The following KLF8 variants were observed in gnomAD, a reference collection of about 807,000 sequenced individuals.
KLF8 encodes the protein Krueppel-like factor 8.
Under a neutral mutation model 18.2 loss-of-function variants are expected in KLF8, and 10 were observed. That is an observed-to-expected ratio of 0.55 (90% CI 0.34 to 0.93). The LOEUF is 0.93. KLF8 is among the 40% of genes least tolerant of loss of function. The pLI, the probability that KLF8 is intolerant of heterozygous loss-of-function variation, is 0.02. For missense variants in KLF8, 264 were observed against 277.9 expected (o/e 0.95, Z 0.36); for synonymous variants, 109 against 97.3 (o/e 1.12, Z -0.71).
chrX:56,216,012 A>G, the KLF8 span, among the ~76,000 whole-genome samples: 2 of 108,360 alleles, frequency 1.8e-5, no homozygotes, highest in Admixed American at 2.0e-4. Context: ...GGTGAACGAC[A>G]CCACTATTCA....
chrX:56,021,271 T>C, the KLF8 span, among the ~76,000 whole-genome samples: 1 of 112,179 alleles, frequency 8.9e-6, no homozygotes, highest in Non-Finnish European at 1.9e-5. Context: ...TGCTGTTGTG[T>C]GCAGCAGTGG....
chrX:56,049,774 G>T, the KLF8 span, among the ~76,000 whole-genome samples: 2 of 110,368 alleles, frequency 1.8e-5, no homozygotes, highest in Non-Finnish European at 3.8e-5. Flanking sequence ...AAATGATGCT[G>T]GCCTCATAAA....
chrX:56,059,281 A>T, the KLF8 span, among the ~76,000 whole-genome samples: 3 of 111,042 alleles, frequency 2.7e-5, no homozygotes, highest in African/African-American at 6.6e-5. Context: ...GATTGCAAAA[A>T]TTTTTTCCCG....
the KLF8 span, among the ~76,000 whole-genome samples, chrX:56,149,963 G>A: frequency 4.5e-5 from 5 of 111,334 alleles, no homozygotes; most frequent in Admixed American, 2.9e-4. Flanking sequence ...TAAATGCTGA[G>A]TACTTCATGT....
intron 2 of KLF8, among the ~76,000 whole-genome samples, chrX:56,258,760 A>C (rs1189173747): frequency 1.8e-5 from 2 of 111,701 alleles, no homozygotes; most frequent in Non-Finnish European, 3.8e-5. Flanking sequence ...CATTTCCAGG[A>C]TATCTTATTT....
chrX:56,269,389 C>G lies in KLF8; in HGVS notation c.658C>G (p.Pro220Ala), dbSNP rs1274299131. The G allele has an allele frequency of 8.3e-7, 1 of 1,206,459 alleles. No individual in the cohort carries two copies. The highest frequency in any genetic ancestry group is 1.1e-6 in the Non-Finnish European group (1 of 893,211). The change falls in exon 4 of 6, where the codon CCC becomes GCC. Residue 220 changes from proline (P) to alanine (A), a missense_variant. Physicochemically the swap from Pro to Ala is conservative, Grantham distance 27. Around this residue, in one of 2 missense-constraint regions of KLF8, gnomAD observed 221 missense variants for 193.6 expected, o/e 1.14. Transcript: ENST00000468660. ...GKNAGSVKVD[P>A]TSMSPLEIPS... is the part of the protein sequence containing the mutation. ...TTCTTTGCTTTTAGTGAAAGTTGAC[C>G]CCACCTCCATGTCTCCACTGGAAAT...
the KLF8 span, among the ~76,000 whole-genome samples, chrX:55,950,568 C>G: frequency 1.8e-5 from 2 of 111,258 alleles, no homozygotes; most frequent in Non-Finnish European, 3.8e-5. Flanking sequence ...ATTAAATGAG[C>G]TTATGCATGA....
At chrX:55,980,797 T>A in the KLF8 span, among the ~76,000 whole-genome samples, 1 of 112,297 alleles carries the variant, frequency 8.9e-6, no homozygotes, top group African/African-American at 3.2e-5. Context: ...ACAAATTATG[T>A]ACCTAATAAG....
chrX:56,252,485 A>G (rs1221335257), intron 2 of KLF8, among the ~76,000 whole-genome samples: 1 of 112,044 alleles, frequency 8.9e-6, no homozygotes, highest in Non-Finnish European at 1.9e-5. Context: ...TTGTCTTTCT[A>G]TACCTGACTT....
At chrX:56,266,338 A>G (rs2066972241) in intron 3 of KLF8, 2 of 746,390 alleles carry the variant, frequency 2.7e-6, no homozygotes, top group South Asian at 6.9e-5. Context: ...TTTGGCATCT[A>G]TCACTTTCCA....
the KLF8 span, among the ~76,000 whole-genome samples, chrX:56,186,047 C>T: frequency 2.7e-5 from 3 of 111,846 alleles, no homozygotes; most frequent in African/African-American, 9.7e-5. Flanking sequence ...AATGTAAATG[C>T]ACTAAATGCT....
At chrX:56,270,111 G>A in intron 4 of KLF8, 71 bp from the exon 5 acceptor site, 1 of 1,026,040 alleles carries the variant, frequency 9.7e-7, no homozygotes, top group Non-Finnish European at 1.3e-6. Flanking sequence ...TGGCACCAAT[G>A]AATGTAAATT....
At chrX:56,132,062 C>G in the KLF8 span, among the ~76,000 whole-genome samples, 1 of 111,588 alleles carries the variant, frequency 9.0e-6, no homozygotes, top group South Asian at 3.7e-4. Flanking sequence ...ACTCTACTGA[C>G]AGCACCAGAC....
At chrX:56,156,696 T>C in the KLF8 span, among the ~76,000 whole-genome samples, 3 of 108,401 alleles carry the variant, frequency 2.8e-5, no homozygotes, top group Admixed American at 2.0e-4. Flanking sequence ...TAACATTAGG[T>C]ATATCTCCTA....
the KLF8 span, among the ~76,000 whole-genome samples, chrX:55,967,396 C>G: frequency 1.1e-4 from 12 of 110,816 alleles, no homozygotes; most frequent in South Asian, 4.2e-3. Flanking sequence ...TACAGTAAAG[C>G]TCCAATACCT....
chrX:55,937,890 A>G, the KLF8 span, among the ~76,000 whole-genome samples: 1 of 112,284 alleles, frequency 8.9e-6, no homozygotes. Context: ...GACCAAATCT[A>G]CATCTGACTG....
At chrX:56,080,574 C>A in the KLF8 span, among the ~76,000 whole-genome samples, 1 of 111,123 alleles carries the variant, frequency 9.0e-6, no homozygotes, top group African/African-American at 3.3e-5. Flanking sequence ...CTCTGGCTGC[C>A]CTTAACATTT....
chrX:56,061,986 C>CTTTTTTTTTTTTTTTTTTTTTT, the KLF8 span, among the ~76,000 whole-genome samples: 85 of 57,111 alleles, frequency 1.5e-3, 1 homozygote, highest in African/African-American at 2.7e-3. Context: ...GCAACCCCTG[C>CTTTTTTTTTTTTTTTTTTTTTT]TTTTTTTTTT....
At chrX:56,111,443 C>A in the KLF8 span, among the ~76,000 whole-genome samples, 213 of 111,625 alleles carry the variant, frequency 1.9e-3, 2 homozygotes, top group African/African-American at 6.7e-3. Flanking sequence ...ACTAAAACAC[C>A]AAAAGCAATG....
Sources: gnomAD v4.1 joint callset for allele counts (sites outside exome capture counted in the v4.1 genomes callset) on GRCh38, gnomAD v4.1.1 for gene constraint, gnomAD v4.1.1 regional missense constraint, MANE v1.5 for transcripts, NCBI Gene and HGNC (gene_info 2026-07-23, HGNC 2026-07-21) for gene names.